The following MSTO1 variants were observed in gnomAD, a reference collection of about 807,000 sequenced individuals.
MSTO1 encodes misato mitochondrial distribution and morphology regulator 1, also known as protein misato homolog 1.
MSTO1 carries 24 observed loss-of-function variants against 55.7 expected under a neutral mutation model. The ratio of observed to expected loss-of-function variants is 0.43; its 90% CI spans 0.31 to 0.61. MSTO1 has a LOEUF of 0.61. Among genes scored for constraint, MSTO1 ranks in the 20% least tolerant of loss-of-function variants. MSTO1 has a pLI of 0.09. For synonymous variants in MSTO1, 162 were observed against 252.8 expected, an observed-to-expected ratio of 0.64 and a Z score of 3.41; for missense variants, 363 against 625.7, an observed-to-expected ratio of 0.58 and a Z score of 4.48.
the MSTO1 span, among the ~76,000 whole-genome samples, chr1:155,597,004 G>A: frequency 6.6e-6 from 1 of 152,110 alleles, no homozygotes; most frequent in Non-Finnish European, 1.5e-5. Context: ...CTACTTGTGA[G>A]GCTGAGGTTG....
At chr1:155,575,885 T>C in the MSTO1 span, among the ~76,000 whole-genome samples, 1 of 151,724 alleles carries the variant, frequency 6.6e-6, no homozygotes, top group African/African-American at 2.4e-5. Flanking sequence ...TGCAATGGCG[T>C]GATCTCGGCT....
chr1:155,590,842 T>C, the MSTO1 span: 1 of 1,608,808 alleles, frequency 6.2e-7, no homozygotes, highest in African/African-American at 1.3e-5. Flanking sequence ...GATGATGGCA[T>C]GCGCCGTCCA....
At chr1:155,607,487 T>C (rs1672954611), upstream of MSTO1, among the ~76,000 whole-genome samples, 1 of 152,232 alleles carries the variant, frequency 6.6e-6, no homozygotes, top group Non-Finnish European at 1.5e-5. Context: ...TTTAGGTTTA[T>C]TTGAGGAATG....
chr1:155,565,244 G>A, the MSTO1 span, among the ~76,000 whole-genome samples: 2 of 148,952 alleles, frequency 1.3e-5, no homozygotes, highest in African/African-American at 5.0e-5. Context: ...GCAGTGAGTC[G>A]AGATCACGCC....
the MSTO1 span, among the ~76,000 whole-genome samples, chr1:155,597,882 T>C: frequency 6.6e-6 from 1 of 151,470 alleles, no homozygotes; most frequent in African/African-American, 2.4e-5. Flanking sequence ...CGTGGCGCGA[T>C]CTCGGCTCAC....
the MSTO1 span, among the ~76,000 whole-genome samples, chr1:155,597,193 G>T: frequency 1.2e-3 from 185 of 152,294 alleles, no homozygotes; most frequent in African/African-American, 3.9e-3. Context: ...ACAAGGTTGT[G>T]CATGGTGGCT....
At chr1:155,590,528 C>A in the MSTO1 span, 1 of 717,240 alleles carries the variant, frequency 1.4e-6, no homozygotes, top group South Asian at 2.2e-5. Flanking sequence ...AGATATGAAC[C>A]CATCCCAAAG....
chr1:155,575,226 G>A, the MSTO1 span, among the ~76,000 whole-genome samples: 4 of 150,274 alleles, frequency 2.7e-5, no homozygotes, highest in East Asian at 7.7e-4. Context: ...AAAAAAAAAA[G>A]AGAGAGAGAG....
the MSTO1 span, chr1:155,591,270 T>C: frequency 1.0e-5 from 16 of 1,588,770 alleles, no homozygotes; most frequent in Middle Eastern, 1.7e-4. Flanking sequence ...CATGGTGAGA[T>C]TGAAGGAGCT....
the MSTO1 span, among the ~76,000 whole-genome samples, chr1:155,578,424 C>T: frequency 7.2e-6 from 1 of 139,818 alleles, no homozygotes; most frequent in Admixed American, 7.7e-5. Context: ...CTGCAACCTC[C>T]GCCTCCCAGG....
chr1:155,567,308 ATTTTTT>A, the MSTO1 span, among the ~76,000 whole-genome samples: 2 of 123,414 alleles, frequency 1.6e-5, no homozygotes, highest in East Asian at 2.3e-4. Flanking sequence ...AATTTTTGTA[ATTTTTT>A]TTTTTTTTTT....
chr1:155,610,024 C>G, upstream of MSTO1: 1 of 568,036 alleles, frequency 1.8e-6, no homozygotes, highest in Non-Finnish European at 3.1e-6. Context: ...AACGGCGTGG[C>G]CCGTGGAGCC....
chr1:155,612,097 G>A lies in MSTO1; in HGVS notation c.675G>A (p.Leu225=), dbSNP rs1558262935. 3 of 1,612,222 alleles carry A rather than the reference G, an allele frequency of 1.9e-6. No homozygotes were observed. Among genetic ancestry groups the A allele is most frequent in the Non-Finnish European group, 2.5e-6 (3 of 1,179,594 alleles). The change falls in exon 7 of 14, where the codon TTG becomes TTA. Residue 225 remains leucine (L), a synonymous_variant. Transcript: ENST00000245564. ...TCTACGTGGAGGAATGTGACTACTT[G>A]CAGGTAGTGGCGTGGCAATGTGCAC... ...LHFYVEECDY[L]QGFQILCDLH...
chr1:155,565,652 C>G, the MSTO1 span, among the ~76,000 whole-genome samples: 1 of 152,162 alleles, frequency 6.6e-6, no homozygotes. Flanking sequence ...TTTCACCACA[C>G]CAGTGTATAG....
the MSTO1 span, chr1:155,598,825 G>A: frequency 7.5e-7 from 1 of 1,328,990 alleles, no homozygotes; most frequent in Non-Finnish European, 1.1e-6. Context: ...TATTTTAGAT[G>A]GAGAGAAGGG....
At chr1:155,591,256 AGGCCAT>A in the MSTO1 span, 2 of 1,603,852 alleles carry the variant, frequency 1.2e-6, no homozygotes, top group Non-Finnish European at 1.7e-6. Flanking sequence ...ATTCTGGCAG[AGGCCAT>A]GGTGAGATTG....
At chr1:155,576,078 TCCC>T in the MSTO1 span, among the ~76,000 whole-genome samples, 5 of 152,054 alleles carry the variant, frequency 3.3e-5, no homozygotes, top group Non-Finnish European at 7.4e-5. Flanking sequence ...TGCTTCGGCC[TCCC>T]AAAGTGCTGG....
At chr1:155,607,741 G>A (rs575371896), upstream of MSTO1, among the ~76,000 whole-genome samples, 3 of 152,312 alleles carry the variant, frequency 2.0e-5, no homozygotes, top group South Asian at 2.1e-4. Context: ...ATTGGCTCAC[G>A]CCTGTAATCC....
the MSTO1 span, among the ~76,000 whole-genome samples, chr1:155,591,695 C>T: frequency 6.6e-6 from 1 of 151,826 alleles, no homozygotes. Flanking sequence ...GAGGCTGAGG[C>T]AGGAGAATCG....
Sources: allele counts gnomAD v4.1 joint callset (sites outside exome capture counted in the v4.1 genomes callset), GRCh38; gene constraint gnomAD v4.1.1; transcripts MANE v1.5; gene names NCBI Gene and HGNC (gene_info 2026-07-23, HGNC 2026-07-21).